The following KCNT2 variants were observed in gnomAD, a reference collection of about 807,000 sequenced individuals.
KCNT2 encodes potassium sodium-activated channel subfamily T member 2, also known as potassium channel subfamily T member 2.
KCNT2 carries 67 observed loss-of-function variants against 153.8 expected under a neutral mutation model. The observed-to-expected ratio is 0.44, with a 90% CI of 0.36 to 0.53. The LOEUF (loss-of-function observed/expected upper bound fraction) is 0.53. Among genes scored for constraint, KCNT2 ranks in the 20% least tolerant of loss-of-function variants. The pLI is 0.00. For synonymous variants in KCNT2, 500 were observed against 458.8 expected (o/e 1.09, Z -1.15); for missense variants, 975 against 1,354.8 (o/e 0.72, Z 4.40).
intron 22 of KCNT2, among the ~76,000 whole-genome samples, chr1:196,303,664 T>C (rs1661384837): frequency 6.6e-6 from 1 of 152,172 alleles, no homozygotes; most frequent in Non-Finnish European, 1.5e-5. Context: ...TGTGCTGTAA[T>C]CTTTATAATG....
intron 25 of KCNT2, among the ~76,000 whole-genome samples, chr1:196,272,527 T>A (rs1365876711): frequency 6.6e-6 from 1 of 151,840 alleles, no homozygotes; most frequent in Admixed American, 6.6e-5. Context: ...GATAACAAGA[T>A]GGAGAGGATC....
intron 13 of KCNT2, among the ~76,000 whole-genome samples, chr1:196,384,840 C>G (rs898735546): frequency 2.9e-4 from 44 of 151,776 alleles, no homozygotes; most frequent in African/African-American, 9.7e-4. Context: ...TTAGAACCCA[C>G]TTTTTGGCCA....
intron 1 of KCNT2, among the ~76,000 whole-genome samples, chr1:196,492,982 A>C (rs1201415710): frequency 6.6e-6 from 1 of 152,198 alleles, no homozygotes; most frequent in Non-Finnish European, 1.5e-5. Context: ...AATAGACTAC[A>C]TATTGTATAT....
chr1:196,402,662 T>C (rs1671513952), intron 12 of KCNT2, among the ~76,000 whole-genome samples: 2 of 151,642 alleles, frequency 1.3e-5, no homozygotes, highest in South Asian at 4.1e-4. Context: ...GAGCTATATC[T>C]AACCATATTA....
At chr1:196,432,767 C>T (rs2148554328) in intron 8 of KCNT2, among the ~76,000 whole-genome samples, 1 of 152,164 alleles carries the variant, frequency 6.6e-6, no homozygotes, top group Non-Finnish European at 1.5e-5. Context: ...GAGTCTCACC[C>T]ATATCTAATT....
chr1:196,276,050 T>A (rs1391955407), intron 25 of KCNT2, among the ~76,000 whole-genome samples: 3 of 152,060 alleles, frequency 2.0e-5, no homozygotes, highest in Non-Finnish European at 2.9e-5. Flanking sequence ...GTTCTTTCTC[T>A]CTCTGTTTCT....
chr1:196,310,020 T>G (rs1404601760), intron 21 of KCNT2, among the ~76,000 whole-genome samples: 4 of 151,830 alleles, frequency 2.6e-5, no homozygotes, highest in Non-Finnish European at 1.5e-5. Flanking sequence ...CAATAAATAT[T>G]TTTACTAACC....
Position 196,499,373 on chromosome 1 carries a change from A to C in KCNT2, c.96-7032T>G, listed in dbSNP as rs138960661. Among the ~76,000 whole-genome samples the C allele has an allele frequency of 4.5e-3, 687 of 152,362 alleles. 6 individuals are homozygous for C. The highest frequency in any genetic ancestry group is 0.016 in the African/African-American group (655 of 41,584). ...GTTCTCAGTCATACCACGTTCATTC[A>C]TTAGAATGTAAACTCCATAAGGGCA... is the stretch of plus-strand genomic sequence containing the variant. On this transcript the variant is annotated intron_variant, in intron 1 of 27. Coordinates refer to ENST00000294725, the MANE Select transcript of KCNT2 (RefSeq NM_198503.5).
intron 1 of KCNT2, among the ~76,000 whole-genome samples, chr1:196,576,072 T>TTA (rs66537346): frequency 0.014 from 1,968 of 145,262 alleles, 51 homozygotes; most frequent in African/African-American, 0.047. Flanking sequence ...GTGTTAGGTT[T>TTA]TATATATATA....
At chr1:196,345,153 T>G (rs780116048) in intron 14 of KCNT2, among the ~76,000 whole-genome samples, 11 of 152,094 alleles carry the variant, frequency 7.2e-5, no homozygotes, top group Non-Finnish European at 1.2e-4. Flanking sequence ...TCTTGTCTCA[T>G]AGAGCCACTA....
chr1:196,556,261 A>T (rs1369946710), intron 1 of KCNT2, among the ~76,000 whole-genome samples: 2 of 151,528 alleles, frequency 1.3e-5, no homozygotes, highest in South Asian at 2.1e-4. Context: ...TTCACAAGAG[A>T]TTAATAACCA....
Position 196,482,364 on chromosome 1 carries a change from C to A in KCNT2, c.291G>T (p.Trp97Cys). ...CCCACAAAGGTAGACTTCTGTTCAC[C>A]CAAAAGATATGAGACCTATAAAAAG... Reference protein sequence around the residue: ...SQGNEWSHIFWVNRSLPLWGL... With the variant: ...SQGNEWSHIFCVNRSLPLWGL... The change falls in exon 4 of 28, where the codon TGG (tryptophan) becomes TGT (cysteine). Residue 97 changes from tryptophan (W) to cysteine (C), a missense_variant. By Grantham distance (215) the Trp-to-Cys change is radical. Transcript: ENST00000294725. The A allele has an allele frequency of 6.4e-7, 1 of 1,566,680 alleles. No individual in the cohort carries two copies.
At chr1:196,521,619 T>TA (rs1323704870) in intron 1 of KCNT2, among the ~76,000 whole-genome samples, 1 of 152,018 alleles carries the variant, frequency 6.6e-6, no homozygotes, top group African/African-American at 2.4e-5. Context: ...TACTCAGCCA[T>TA]AAAAAAGAAT....
chr1:196,503,254 C>T (rs1195911056), intron 1 of KCNT2, among the ~76,000 whole-genome samples: 1 of 151,946 alleles, frequency 6.6e-6, no homozygotes, highest in Non-Finnish European at 1.5e-5. Flanking sequence ...TATAAACACA[C>T]AAAAGGCCTC....
chr1:196,574,597 G>T (rs2148958830), intron 1 of KCNT2, among the ~76,000 whole-genome samples: 1 of 151,882 alleles, frequency 6.6e-6, no homozygotes, highest in East Asian at 1.9e-4. Flanking sequence ...ATTTCGAATT[G>T]TTTTTCTAAG....
chr1:196,356,004 T>C (rs1202995946), intron 14 of KCNT2, among the ~76,000 whole-genome samples: 1 of 151,764 alleles, frequency 6.6e-6, no homozygotes, highest in Non-Finnish European at 1.5e-5. Context: ...GTTTAAAACA[T>C]TGTAGTGAAT....
At chr1:196,595,847 C>A (rs1187363330) in intron 1 of KCNT2, among the ~76,000 whole-genome samples, 1 of 151,848 alleles carries the variant, frequency 6.6e-6, no homozygotes, top group African/African-American at 2.4e-5. Flanking sequence ...TTCCTCCCGA[C>A]CTTCCCCACA....
At chr1:196,305,109 C>A in intron 22 of KCNT2, 125 bp downstream of exon 22, 1 of 639,606 alleles carries the variant, frequency 1.6e-6, no homozygotes, top group Non-Finnish European at 2.8e-6. Context: ...ATTTCATCTC[C>A]CAAATAAAAA....
intron 16 of KCNT2, among the ~76,000 whole-genome samples, chr1:196,336,703 A>T (rs1665071310): frequency 6.6e-6 from 1 of 152,190 alleles, no homozygotes; most frequent in Admixed American, 6.6e-5. Context: ...AGGGTGAACA[A>T]TGATCATTGC....
Sources: allele counts gnomAD v4.1 joint callset (sites outside exome capture counted in the v4.1 genomes callset), GRCh38; gene constraint gnomAD v4.1.1; transcripts MANE v1.5; gene names NCBI Gene and HGNC (gene_info 2026-07-23, HGNC 2026-07-21).